The following IL21R variants were observed in gnomAD, a reference collection of about 807,000 sequenced individuals.
The protein encoded by IL21R is interleukin 21 receptor.
In IL21R, 14 loss-of-function variants were observed where a neutral mutation model predicts 41.3. The observed-to-expected ratio is 0.34, with a 90% confidence interval of 0.22 to 0.53. The LOEUF is 0.53. IL21R is among the 20% of genes least tolerant of loss of function. The probability of loss-of-function intolerance (pLI) is 0.94; values close to 1 mark genes in which losing one functional copy is unlikely to be tolerated. For missense variants in IL21R, 588 were observed against 681.6 expected (o/e 0.86, Z 1.53); for synonymous variants, 286 against 287.6 (o/e 0.99, Z 0.05).
At chr16:27,403,944 G>A (rs538174065) in intron 1 of IL21R, among the ~76,000 whole-genome samples, 6 of 152,348 alleles carry the variant, frequency 3.9e-5, no homozygotes, top group Non-Finnish European at 8.8e-5. Context: ...GGCTTAGTGG[G>A]GACAACCTTG....
intron 5 of IL21R, among the ~76,000 whole-genome samples, chr16:27,444,204 C>A (rs1307973010): frequency 6.6e-6 from 1 of 151,612 alleles, no homozygotes; most frequent in African/African-American, 2.4e-5. Flanking sequence ...TTGAAGAATT[C>A]CAAAAGTATG....
intron 8 of IL21R, 180 bp from the exon 9 acceptor site, chr16:27,448,354 C>G: frequency 3.1e-6 from 2 of 637,648 alleles, no homozygotes; most frequent in Non-Finnish European, 5.2e-6. Flanking sequence ...ACTTGGGAGG[C>G]TGAGGCAGGA....
intron 4 of IL21R, among the ~76,000 whole-genome samples, chr16:27,438,736 G>A (rs879793828): frequency 1.3e-4 from 20 of 152,204 alleles, no homozygotes; most frequent in Non-Finnish European, 2.6e-4. Context: ...CGGGCGTGGT[G>A]GCACACGCCC....
intron 1 of IL21R, among the ~76,000 whole-genome samples, chr16:27,420,774 G>A (rs562994730): frequency 6.6e-6 from 1 of 152,162 alleles, no homozygotes; most frequent in Admixed American, 6.5e-5. Flanking sequence ...TTACTTTCTT[G>A]ATAGTATTTT....
At position 27,416,205 on chromosome 16, in the gene IL21R, C is replaced by T. The variant is rs149341978; in HGVS notation, c.-17+13587C>T. On this transcript the variant is annotated intron_variant, in intron 1 of 8. Coordinates refer to ENST00000337929, the MANE Select transcript of IL21R (RefSeq NM_181078.3). ...CACTTTCTCACCCAGGCTGGAGTTGCAGCTCACTGCAAGCTCCACCTTCCG... is the reference window on the plus strand; with the variant it reads ...CACTTTCTCACCCAGGCTGGAGTTGTAGCTCACTGCAAGCTCCACCTTCCG... Among the ~76,000 whole-genome samples the T allele has an allele frequency of 5.2e-3, 792 of 152,298 alleles. 3 individuals carry two copies. Among genetic ancestry groups the T allele is most frequent in the South Asian group, 0.015 (71 of 4,826 alleles).
chr16:27,443,656 C>T (rs1208303587), intron 5 of IL21R, among the ~76,000 whole-genome samples: 1 of 152,088 alleles, frequency 6.6e-6, no homozygotes, highest in Admixed American at 6.6e-5. Flanking sequence ...TGGTGACATG[C>T]ACCTGTAATC....
intron 1 of IL21R, among the ~76,000 whole-genome samples, chr16:27,427,552 G>A (rs186645241): frequency 1.9e-4 from 29 of 152,182 alleles, no homozygotes; most frequent in African/African-American, 6.7e-4. Flanking sequence ...CACAGCACCC[G>A]GCTAACTTAT....
intron 7 of IL21R, 96 bp from the exon 8 acceptor site, chr16:27,445,911 G>T: frequency 1.1e-6 from 1 of 899,426 alleles, no homozygotes. Flanking sequence ...TGGGATGCTC[G>T]GAAGCTCCTG....
chr16:27,433,832 G>C (rs2087217022), intron 2 of IL21R, among the ~76,000 whole-genome samples: 1 of 152,170 alleles, frequency 6.6e-6, no homozygotes, highest in South Asian at 2.1e-4. Flanking sequence ...CTCCGAGAGT[G>C]GGTGTCCTGT....
At chr16:27,416,709 A>T (rs1484377347) in intron 1 of IL21R, among the ~76,000 whole-genome samples, 1 of 152,228 alleles carries the variant, frequency 6.6e-6, no homozygotes, top group Non-Finnish European at 1.5e-5. Context: ...TGCAGTCATC[A>T]CCACTAACTC....
chr16:27,444,889 G>T (rs771257697), intron 6 of IL21R, among the ~76,000 whole-genome samples, 170 bp downstream of exon 6: 1 of 152,192 alleles, frequency 6.6e-6, no homozygotes, highest in Non-Finnish European at 1.5e-5. Context: ...GGCCCTGTTG[G>T]GTGCCAGCTG....
chr16:27,417,048 T>G (rs546154919), intron 1 of IL21R, among the ~76,000 whole-genome samples: 31 of 152,190 alleles, frequency 2.0e-4, no homozygotes, highest in Non-Finnish European at 4.0e-4. Flanking sequence ...TTGTTTCCAG[T>G]TTTTTGGTAT....
intron 1 of IL21R, among the ~76,000 whole-genome samples, chr16:27,404,548 G>C (rs955129940): frequency 2.0e-5 from 3 of 152,188 alleles, no homozygotes; most frequent in African/African-American, 7.2e-5. Flanking sequence ...ATAAATAAAT[G>C]AATGAAAGGA....
chr16:27,403,668 A>T (rs1389211736), intron 1 of IL21R, among the ~76,000 whole-genome samples: 1 of 152,216 alleles, frequency 6.6e-6, no homozygotes, highest in Non-Finnish European at 1.5e-5. Context: ...GAACAGGGTG[A>T]AAGCTGTGCT....
At chr16:27,447,099 C>G (rs1293084654) in intron 8 of IL21R, among the ~76,000 whole-genome samples, 4 of 152,220 alleles carry the variant, frequency 2.6e-5, no homozygotes, top group Non-Finnish European at 4.4e-5. Context: ...CCAGGGCACC[C>G]ATGAGGAGGC....
At chr16:27,407,214 C>G (rs914387719) in intron 1 of IL21R, among the ~76,000 whole-genome samples, 19 of 152,214 alleles carry the variant, frequency 1.2e-4, no homozygotes, top group Admixed American at 3.9e-4. Context: ...GGATACTGTG[C>G]TGAACAAAAT....
At chr16:27,439,532 A>G (rs908748060) in intron 4 of IL21R, among the ~76,000 whole-genome samples, 4 of 151,520 alleles carry the variant, frequency 2.6e-5, no homozygotes, top group Admixed American at 6.6e-5. Context: ...GCACACACGC[A>G]CATATACACA....
chr16:27,416,778 C>G (rs550464830), intron 1 of IL21R, among the ~76,000 whole-genome samples: 2 of 152,312 alleles, frequency 1.3e-5, no homozygotes, highest in South Asian at 4.1e-4. Context: ...TCTATCCCCC[C>G]TCCCCTCAGC....
Position 27,442,966 on chromosome 16 carries a change from G to A in IL21R, c.357G>A (p.Lys119=), listed in dbSNP as rs777661467. ...CGSFLLAESI[K]PAPPFNVTVT... The stretch of plus-strand genomic sequence containing the variant: ...TTCCTGGGTTTTTCCACCAAGTCAA[G>A]CCGGCTCCCCCTTTCAACGTGACTG... The change falls in exon 5 of 9, where the codon AAG becomes AAA. Residue 119 remains lysine, a synonymous_variant. Transcript: ENST00000337929. The A allele has an allele frequency of 7.5e-5, 118 of 1,579,258 alleles. No homozygotes were observed. The highest frequency in any genetic ancestry group is 9.5e-5 in the Non-Finnish European group (111 of 1,162,596).
Sources: allele counts gnomAD v4.1 joint callset (sites outside exome capture counted in the v4.1 genomes callset), GRCh38; gene constraint gnomAD v4.1.1; transcripts MANE v1.5; gene names NCBI Gene and HGNC (gene_info 2026-07-23, HGNC 2026-07-21).